Variants in KIFC3 observed in about 807,000 individuals in gnomAD.
KIFC3 encodes kinesin-like protein KIFC3.
A neutral mutation model predicts 101.8 loss-of-function variants in KIFC3; 60 were observed. That is an observed-to-expected ratio of 0.59 (90% confidence interval 0.48 to 0.73). KIFC3 has a LOEUF of 0.73. Ranked by LOEUF, KIFC3 falls within the 30% of genes least tolerant of loss-of-function variation. KIFC3 has a pLI of 0.00. For synonymous variants in KIFC3, 476 were observed against 482.7 expected (o/e 0.99, Z 0.18); for missense variants, 966 against 1,137.1 (o/e 0.85, Z 2.16).
At position 57,765,440 on chromosome 16, in the gene KIFC3, C is replaced by A; in HGVS notation, c.1512+19G>T. On this transcript the variant is annotated intron_variant, in intron 11 of 19. Coordinates refer to ENST00000445690, the MANE Select transcript of KIFC3 (RefSeq NM_001130100.2). The stretch of plus-strand genomic sequence containing the variant: ...CCTCTCTCCCTTGCTTTCCCTTTCC[C>A]GCATGGGGCCACACTCACGTCCTGC... 2 of 1,557,084 alleles carry A rather than the reference C, an allele frequency of 1.3e-6. No homozygotes were observed. Among genetic ancestry groups the A allele is most frequent in the East Asian group, 2.3e-5 (1 of 42,826 alleles).
intron 1 of KIFC3, among the ~76,000 whole-genome samples, chr16:57,851,164 C>G (rs1261653834): frequency 6.6e-6 from 1 of 152,102 alleles, no homozygotes; most frequent in Non-Finnish European, 1.5e-5. Context: ...GAGTGTGTCA[C>G]CACACCCGGC....
chr16:57,856,259 T>C (rs2056165701), intron 1 of KIFC3, among the ~76,000 whole-genome samples: 1 of 152,086 alleles, frequency 6.6e-6, no homozygotes, highest in Non-Finnish European at 1.5e-5. Context: ...AATGGATGAA[T>C]TGCTTCAGCT....
At chr16:57,850,712 G>A (rs1177705449) in intron 1 of KIFC3, among the ~76,000 whole-genome samples, 1 of 151,746 alleles carries the variant, frequency 6.6e-6, no homozygotes, top group Admixed American at 6.6e-5. Flanking sequence ...CCGACCTCAG[G>A]TGACCCACCC....
intron 1 of KIFC3, among the ~76,000 whole-genome samples, chr16:57,834,416 A>C (rs1385254442): frequency 1.3e-5 from 2 of 152,222 alleles, no homozygotes; most frequent in African/African-American, 4.8e-5. Context: ...CAATTCATTA[A>C]TTATTCAGTA....
chr16:57,775,154 T>C, intron 3 of KIFC3: 2 of 1,351,550 alleles, frequency 1.5e-6, no homozygotes, highest in Non-Finnish European at 1.9e-6. Context: ...TCCTGGGCTC[T>C]GTCCAGAATC....
intron 1 of KIFC3, among the ~76,000 whole-genome samples, chr16:57,834,315 C>T (rs2055644998): frequency 6.6e-6 from 1 of 152,084 alleles, no homozygotes; most frequent in Non-Finnish European, 1.5e-5. Flanking sequence ...CTATTCTAGG[C>T]TGGGAAACAT....
chr16:57,817,719 C>A lies in KIFC3; in HGVS notation c.109-19437G>T, dbSNP rs1180860174. Among the ~76,000 whole-genome samples the A allele has an allele frequency of 3.3e-5, 5 of 152,294 alleles. No homozygotes were observed. In the East Asian group the frequency reaches 9.6e-4, roughly 29 times the overall value. ...ACCTCTGCAAAGGCCCAAAAAGGTTCCAAATAAGGTCATATTCCCAGGGTT... is the reference window on the plus strand; with the variant it reads ...ACCTCTGCAAAGGCCCAAAAAGGTTACAAATAAGGTCATATTCCCAGGGTT... On this transcript the variant is annotated intron_variant, in intron 1 of 2. Transcript: ENST00000563028.
At chr16:57,773,928 C>T (rs1258366686) in intron 3 of KIFC3, 1 of 151,926 alleles carries the variant, frequency 6.6e-6, no homozygotes, top group South Asian at 2.1e-4. Flanking sequence ...AAGGGATCCA[C>T]CCCCACCTCT....
At chr16:57,794,932 G>T (rs1302050776) in intron 3 of KIFC3, 67 bp downstream of exon 3, 12 of 1,428,478 alleles carry the variant, frequency 8.4e-6, no homozygotes, top group Non-Finnish European at 1.1e-5. Context: ...CAGAAGCCTG[G>T]CAGGAACCCA....
intron 3 of KIFC3, among the ~76,000 whole-genome samples, chr16:57,793,201 G>A (rs1555621032): frequency 2.0e-5 from 3 of 151,316 alleles, no homozygotes; most frequent in African/African-American, 7.3e-5. Flanking sequence ...CATGAGAATC[G>A]CTTGAACCTG....
At chr16:57,832,539 T>C (rs2055605126) in intron 1 of KIFC3, among the ~76,000 whole-genome samples, 1 of 151,916 alleles carries the variant, frequency 6.6e-6, no homozygotes, top group African/African-American at 2.4e-5. Flanking sequence ...GGTCTAGAAC[T>C]CCTAACCTCA....
chr16:57,859,633 C>A, intron 1 of KIFC3, among the ~76,000 whole-genome samples: 1 of 152,128 alleles, frequency 6.6e-6, no homozygotes, highest in East Asian at 1.9e-4. Flanking sequence ...CTCCCACACC[C>A]GCCGAAGTCA....
chr16:57,798,103 G>A lies in KIFC3; in HGVS notation c.141C>T (p.Phe47=), dbSNP rs1555623828. ...PAPASPAARP[F]PHTGPGRLRT... Reference sequence around the variant, plus strand: ...TCAACCTCCCCGGGCCGGTGTGTGGGAAAGGGCGGGCGGCCGGGCTGGCTG... The same window carrying A: ...TCAACCTCCCCGGGCCGGTGTGTGGAAAAGGGCGGGCGGCCGGGCTGGCTG... Residue 47 remains phenylalanine (F), a synonymous_variant, in exon 2 of 20, where the codon TTC becomes TTT. Coordinates refer to ENST00000445690, the MANE Select transcript of KIFC3 (RefSeq NM_001130100.2). 6.3e-7 allele frequency: 1 copy of A among 1,591,146 alleles called. No individual in the cohort carries two copies. Among genetic ancestry groups the A allele is most frequent in the Non-Finnish European group, 8.6e-7 (1 of 1,169,348 alleles).
chr16:57,797,850 C>A, intron 2 of KIFC3: 1 of 1,446,240 alleles, frequency 6.9e-7, no homozygotes, highest in Non-Finnish European at 9.1e-7. Context: ...AAGTTTAACC[C>A]GGCTTCCAGG....
intron 3 of KIFC3, chr16:57,775,080 C>T (rs56302643): frequency 0.097 from 145,930 of 1,499,058 alleles, 7,472 homozygotes; most frequent in Middle Eastern, 0.12. Flanking sequence ...GGGATACCCA[C>T]CAGCCACCTG....
intron 1 of KIFC3, among the ~76,000 whole-genome samples, chr16:57,856,730 T>G (rs1199639532): frequency 6.6e-6 from 1 of 152,062 alleles, no homozygotes; most frequent in Non-Finnish European, 1.5e-5. Context: ...CTCACAGATG[T>G]TAAAAGGATA....
intron 1 of KIFC3, among the ~76,000 whole-genome samples, chr16:57,800,110 A>AAAATAAAT (rs60844384): frequency 5.3e-5 from 8 of 151,858 alleles, no homozygotes; most frequent in Admixed American, 1.3e-4. Flanking sequence ...TTGAGAGGCA[A>AAAATAAAT]AAATAAATAA....
Position 57,764,223 on chromosome 16 carries a change from C to T in KIFC3, c.1537G>A (p.Val513Ile). 2 of 1,611,408 alleles carry T rather than the reference C, an allele frequency of 1.2e-6. No individual in the cohort carries two copies. The highest frequency in any genetic ancestry group is 1.7e-6 in the Non-Finnish European group (2 of 1,179,280). ...TTGAAGCCATCAATGCAAGAGGTGA[C>T]CAGGGCCTGCACCTCCTGGAACACC... ...QDVFQEVQAL[V>I]TSCIDGFNVC... The change falls in exon 12 of 20, where the codon GTC becomes ATC. Residue 513 changes from valine to isoleucine, a missense_variant. This residue lies in a region of KIFC3 where 689 missense variants were observed against 884.6 expected (regional missense o/e 0.78). Coordinates refer to ENST00000445690, the MANE Select transcript of KIFC3 (RefSeq NM_001130100.2).
At chr16:57,793,055 G>A (rs1051063718) in intron 3 of KIFC3, among the ~76,000 whole-genome samples, 13 of 151,776 alleles carry the variant, frequency 8.6e-5, no homozygotes, top group Admixed American at 6.6e-5. Context: ...GGGAGGTTGA[G>A]GCGGGTAGAT....
Sources: gnomAD v4.1 joint callset for allele counts (sites outside exome capture counted in the v4.1 genomes callset) on GRCh38, gnomAD v4.1.1 for gene constraint, gnomAD v4.1.1 regional missense constraint, MANE v1.5 for transcripts, NCBI Gene and HGNC (gene_info 2026-07-23, HGNC 2026-07-21) for gene names.